The following DCAF6 variants were observed in gnomAD, a reference collection of about 807,000 sequenced individuals.
The protein encoded by DCAF6 is DDB1- and CUL4-associated factor 6.
In DCAF6, 54 loss-of-function variants were observed where a neutral mutation model predicts 125.1. The observed-to-expected ratio is 0.43, with a 90% CI of 0.35 to 0.54. DCAF6 has a LOEUF of 0.54. Among genes scored for constraint, DCAF6 ranks in the 20% least tolerant of loss-of-function variants. DCAF6 has a pLI of 0.01. For missense variants in DCAF6, 934 were observed against 1,161.7 expected (o/e 0.80, Z 2.85); for synonymous variants, 371 against 390.4 (o/e 0.95, Z 0.58).
intron 13 of DCAF6, among the ~76,000 whole-genome samples, chr1:168,039,403 A>G (rs995329041): frequency 6.6e-6 from 1 of 151,270 alleles, no homozygotes; most frequent in Admixed American, 6.6e-5. Flanking sequence ...CTCTTTAATA[A>G]TGTTTCTGAT....
At chr1:167,925,442 CATATATATATATATATATATATAT>C in the DCAF6 span, among the ~76,000 whole-genome samples, 1 of 82,478 alleles carries the variant, frequency 1.2e-5, no homozygotes, top group Non-Finnish European at 2.3e-5. Flanking sequence ...TACATATACA[CATATATATATATATATATATATAT>C]ATATATATAC....
chr1:168,037,102 C>A (rs112837846), intron 12 of DCAF6, among the ~76,000 whole-genome samples: 18 of 148,456 alleles, frequency 1.2e-4, no homozygotes, highest in Admixed American at 3.3e-4. Flanking sequence ...ATTCTCCCCC[C>A]CCTTTTTTTT....
At chr1:168,003,783 T>C (rs1300607802) in intron 8 of DCAF6, 87 bp from the exon 9 acceptor site, 1 of 1,240,948 alleles carries the variant, frequency 8.1e-7, no homozygotes, top group African/African-American at 1.5e-5. Context: ...ATGCTTTCAT[T>C]TTAAAGCCCT....
the DCAF6 span, among the ~76,000 whole-genome samples, chr1:167,910,136 T>C: frequency 6.6e-6 from 1 of 152,206 alleles, no homozygotes; most frequent in Admixed American, 6.5e-5. Context: ...GCCTCTTCCT[T>C]CTTTAACCCG....
chr1:168,068,980 G>A (rs1692708647), intron 21 of DCAF6, among the ~76,000 whole-genome samples: 1 of 152,082 alleles, frequency 6.6e-6, no homozygotes, highest in Non-Finnish European at 1.5e-5. Flanking sequence ...TCTGTTATAA[G>A]CAGAATATAT....
the DCAF6 span, among the ~76,000 whole-genome samples, chr1:167,872,230 C>T: frequency 7.2e-5 from 11 of 151,990 alleles, no homozygotes; most frequent in Non-Finnish European, 1.5e-4. Flanking sequence ...CCCAGCTACT[C>T]AGGAGGCTGA....
chr1:168,058,067 A>G (rs373768949), intron 17 of DCAF6, among the ~76,000 whole-genome samples: 2 of 152,344 alleles, frequency 1.3e-5, no homozygotes, highest in East Asian at 3.9e-4. Flanking sequence ...TTATATAAAA[A>G]TGATGTCATA....
the DCAF6 span, among the ~76,000 whole-genome samples, chr1:167,922,914 A>G: frequency 6.6e-6 from 1 of 152,234 alleles, no homozygotes; most frequent in Non-Finnish European, 1.5e-5. Flanking sequence ...TTCTCCAAAG[A>G]ATATACACAA....
At chr1:167,989,079 C>CA (rs773022731) in intron 5 of DCAF6, among the ~76,000 whole-genome samples, 1 of 151,948 alleles carries the variant, frequency 6.6e-6, no homozygotes, top group African/African-American at 2.4e-5. Flanking sequence ...GACTCCATCT[C>CA]AAACAAAACA....
chr1:167,898,488 G>T, the DCAF6 span, among the ~76,000 whole-genome samples: 1 of 151,868 alleles, frequency 6.6e-6, no homozygotes, highest in African/African-American at 2.4e-5. Context: ...TAATTCCAGC[G>T]ACTCGGAAGG....
chr1:168,054,274 G>A (rs190007726), intron 17 of DCAF6, among the ~76,000 whole-genome samples: 1 of 152,286 alleles, frequency 6.6e-6, no homozygotes, highest in East Asian at 1.9e-4. Context: ...AATGGTACAA[G>A]CCTTCTTGCT....
chr1:167,932,808 C>CAAAAAAA (rs965449372), upstream of DCAF6, among the ~76,000 whole-genome samples: 2 of 54,944 alleles, frequency 3.6e-5, no homozygotes, highest in African/African-American at 1.1e-4. Context: ...GACTCTGTCT[C>CAAAAAAA]AAAAAAAAAA....
upstream of DCAF6, among the ~76,000 whole-genome samples, chr1:167,931,945 T>G (rs1335418852): frequency 1.3e-5 from 2 of 152,200 alleles, no homozygotes; most frequent in Admixed American, 1.3e-4. Flanking sequence ...ATTTAGACTT[T>G]AAAGTAACTT....
At chr1:167,983,204 A>G (rs1679466404) in intron 4 of DCAF6, among the ~76,000 whole-genome samples, 1 of 152,088 alleles carries the variant, frequency 6.6e-6, no homozygotes, top group Admixed American at 6.5e-5. Flanking sequence ...GTGAAAAATG[A>G]TGTTGGTAGT....
the DCAF6 span, among the ~76,000 whole-genome samples, chr1:167,869,841 T>A: frequency 2.0e-4 from 31 of 152,204 alleles, no homozygotes; most frequent in African/African-American, 7.5e-4. Context: ...CCCAGCTGAT[T>A]AAAGCCACTC....
the DCAF6 span, chr1:167,904,945 C>G: frequency 6.2e-7 from 1 of 1,613,622 alleles, no homozygotes; most frequent in Non-Finnish European, 8.5e-7. Context: ...AATTCCCACG[C>G]GAGCCTGTTG....
At chr1:168,074,404 G>T (rs1365670129) in intron 21 of DCAF6, among the ~76,000 whole-genome samples, 4 of 152,042 alleles carry the variant, frequency 2.6e-5, no homozygotes, top group Non-Finnish European at 4.4e-5. Flanking sequence ...CTCAGTGATG[G>T]TAGTGATTTT....
Position 168,075,370 on chromosome 1 carries a change from G to A in DCAF6, c.2792-1G>A. 6.3e-7 allele frequency: 1 copy of A among 1,597,582 alleles called. No homozygotes were observed. Among genetic ancestry groups the A allele is most frequent in the Admixed American group, 1.8e-5 (1 of 55,058 alleles). ...TGCGATTCTCTTATCTGTGTTTCCA[G>A]ACCGGTTGGAGGGTGACAGATCAGA... On this transcript the variant is annotated splice_acceptor_variant, in intron 21 of 21. Transcript: ENST00000367840. LOFTEE classifies it high-confidence loss of function.
upstream of DCAF6, chr1:167,935,657 A>G (rs956938304): frequency 4.0e-6 from 5 of 1,246,476 alleles, no homozygotes; most frequent in Non-Finnish European, 5.7e-6. Context: ...GGCAGTTGTC[A>G]GAGGGCCTCT....
Sources: gnomAD v4.1 joint callset for allele counts (sites outside exome capture counted in the v4.1 genomes callset) on GRCh38, gnomAD v4.1.1 for gene constraint, MANE v1.5 for transcripts, NCBI Gene and HGNC (gene_info 2026-07-23, HGNC 2026-07-21) for gene names.